Variants in MIA3 observed in about 807,000 individuals in gnomAD.
MIA3 encodes MIA SH3 domain ER export factor 3.
Under a neutral mutation model 192.4 loss-of-function variants are expected in MIA3, and 90 were observed. That is an observed-to-expected ratio of 0.47 (90% CI 0.39 to 0.56). MIA3 has a LOEUF of 0.56. MIA3 is among the 20% of genes least tolerant of loss of function. MIA3 has a pLI of 0.00. For synonymous variants in MIA3, 740 were observed against 792.8 expected, an observed-to-expected ratio of 0.93 and a Z score of 1.12; for missense variants, 2,123 against 2,269.4, an observed-to-expected ratio of 0.94 and a Z score of 1.31.
intron 1 of MIA3, 148 bp downstream of exon 1, chr1:222,618,391 G>C: frequency 1.2e-6 from 1 of 811,922 alleles, no homozygotes; most frequent in African/African-American, 1.8e-5. Flanking sequence ...CAGGCGGGAT[G>C]GGCTGAACGC....
rs886084453 is a variant in MIA3, at chr1:222,644,443, G to C, written c.3478-1111G>C. 20 of 1,550,212 alleles carry C rather than the reference G, an allele frequency of 1.3e-5. No homozygotes were observed. In the African/African-American group the frequency reaches 2.7e-4, roughly 21 times the overall value. ...CAGGGGGCCCAGTGCCATTCCGCAG[G>C]GAATTGTCGCTTGCGTTCAGCTGTT... On this transcript the variant is annotated intron_variant, in intron 6 of 27. Coordinates refer to ENST00000344922, the MANE Select transcript of MIA3 (RefSeq NM_198551.4).
In MIA3 at chr1:222,666,911, C is replaced by T. The variant is rs1664318844; in HGVS notation, c.*1292C>T. 1 of 151,570 alleles carries T rather than the reference C, an allele frequency of 6.6e-6. No homozygotes were observed. Among genetic ancestry groups the T allele is most frequent in the Admixed American group, 6.6e-5 (1 of 15,226 alleles). 9.4% of individuals were successfully genotyped at this position (151,570 alleles called of 1,614,324 possible). On this transcript the variant is annotated 3_prime_UTR_variant, in exon 28 of 28. Transcript: ENST00000344922. ...CATTTTAATTACAGTAATAATAGCA[C>T]TCCTTTTAAGGAGTTTCAGATCCAC...
rs764215187 is a variant in MIA3 at position 222,666,075 on chromosome 1, A to G, written c.*456A>G. On this transcript the variant is annotated 3_prime_UTR_variant, in exon 28 of 28. Transcript: ENST00000344922. Reference sequence around the variant, plus strand: ...TTACGCTAAAAATGTTTACTAAAAGATCACTAAACTATCTCCCCTCTTGCT... The same window carrying G: ...TTACGCTAAAAATGTTTACTAAAAGGTCACTAAACTATCTCCCCTCTTGCT... 1.3e-5 allele frequency: 2 copies of G among 152,584 alleles called. No individual in the cohort carries two copies. The highest frequency in any genetic ancestry group is 1.5e-5 in the Non-Finnish European group (1 of 68,344). 9.5% of individuals were successfully genotyped at this position (152,584 alleles called of 1,614,324 possible). A position where few individuals can be genotyped will look rare whatever the true frequency, so the allele number is the denominator to read the frequency against.
rs367936377 is a variant in MIA3, at chr1:222,629,700, G to A, written c.2480G>A (p.Arg827Gln). The part of the protein sequence containing the change: ...ADKKAQRPFE[R>Q]SDFSDSIKIQ... Reference sequence around the variant, plus strand: ...AAGAAAGCACAGAGACCATTTGAACGAAGTGACTTTTCTGACAGCATAAAA... The same window carrying A: ...AAGAAAGCACAGAGACCATTTGAACAAAGTGACTTTTCTGACAGCATAAAA... The change falls in exon 4 of 28, where the codon CGA (arginine) becomes CAA (glutamine). Residue 827 changes from arginine (R) to glutamine (Q), a missense_variant. Physicochemically the swap from Arg to Gln is conservative, Grantham distance 43. This residue lies in a region of MIA3 where 1,357 missense variants were observed against 1,396.1 expected (regional missense o/e 0.97). Transcript: ENST00000344922. 85 of 1,614,158 alleles carry A rather than the reference G, an allele frequency of 5.3e-5. No individual in the cohort carries two copies. The African/African-American group carries it at 9.7e-4, about 18-fold the overall frequency.
chr1:222,623,587 T>C (rs1661976055), intron 2 of MIA3, among the ~76,000 whole-genome samples: 1 of 152,262 alleles, frequency 6.6e-6, no homozygotes, highest in African/African-American at 2.4e-5. Context: ...CAGAGTTTAA[T>C]TGCCCTTATC....
chr1:222,654,735 A>G lies in MIA3; in HGVS notation c.4549A>G (p.Arg1517Gly). 2 of 1,614,188 alleles carry G rather than the reference A, an allele frequency of 1.2e-6. No individual in the cohort carries two copies. Among genetic ancestry groups the G allele is most frequent in the South Asian group, 2.2e-5 (2 of 91,082 alleles). Residue 1517 changes from arginine to glycine, a missense_variant, in exon 18 of 28, where the codon AGG (arginine) becomes GGG (glycine). Physicochemically the swap from Arg to Gly is moderately radical, Grantham distance 125 (BLOSUM62 -2). Transcript: ENST00000344922. ...AGLEDECKTL[R>G]QKVEILNELY... ...ACTGGAAGATGAATGCAAAACCTTG[A>G]GGCAGAAAGTGGAGATTCTGAATGA...
intron 1 of MIA3, among the ~76,000 whole-genome samples, chr1:222,619,459 A>C (rs1661761956): frequency 6.6e-6 from 1 of 152,232 alleles, no homozygotes; most frequent in African/African-American, 2.4e-5. Context: ...GTATCTCTAC[A>C]ACACTAATCA....
intron 26 of MIA3, chr1:222,662,568 T>G: frequency 9.0e-7 from 1 of 1,107,574 alleles, no homozygotes; most frequent in Non-Finnish European, 1.2e-6. Flanking sequence ...GGGCTATAAG[T>G]TGCATGGCAA....
rs1374537066 is a variant in MIA3 at position 222,628,377 on chromosome 1, C to T, written c.1157C>T (p.Thr386Ile). 5 of 1,614,032 alleles carry T rather than the reference C, an allele frequency of 3.1e-6. No homozygotes were observed. The highest frequency in any genetic ancestry group is 4.5e-5 in the East Asian group (2 of 44,876). ...DKNILTTWGD[T>I]IFSIVTGGEE... is the part of the protein sequence containing the mutation. ...AATATACTAACAACCTGGGGGGACA[C>T]TATCTTCTCTATTGTCACAGGAGGT... The change falls in exon 4 of 28, where the codon ACT becomes ATT. Residue 386 changes from threonine to isoleucine, a missense_variant. Physicochemically the swap from Thr to Ile is moderately conservative, Grantham distance 89 (BLOSUM62 -1). Around this residue, in one of 3 missense-constraint regions of MIA3, gnomAD observed 1,357 missense variants for 1,396.1 expected, o/e 0.97. Transcript: ENST00000344922.
At chr1:222,656,593 C>T (rs533316118) in intron 18 of MIA3, among the ~76,000 whole-genome samples, 55 of 152,162 alleles carry the variant, frequency 3.6e-4, no homozygotes, top group Middle Eastern at 3.4e-3. Context: ...CCACCCTACC[C>T]TCCTGCTTTT....
At chr1:222,626,609 T>C (rs1436031634) in intron 3 of MIA3, among the ~76,000 whole-genome samples, 1 of 152,204 alleles carries the variant, frequency 6.6e-6, no homozygotes, top group Non-Finnish European at 1.5e-5. Context: ...TACTTGACAG[T>C]CCTGAAAGCA....
Position 222,627,743 on chromosome 1 carries a change from A to G in MIA3, c.523A>G (p.Arg175Gly). 6.2e-7 allele frequency: 1 copy of G among 1,612,852 alleles called. No homozygotes were observed. The highest frequency in any genetic ancestry group is 8.5e-7 in the Non-Finnish European group (1 of 1,179,790). The change falls in exon 4 of 28, where the codon AGG becomes GGG. Residue 175 changes from arginine (R) to glycine (G), a missense_variant. Transcript: ENST00000344922. ...AAAAAACCCTGAATTATCTAAGGAAAGGGAACCTGAACCTGAACCAGTAGA... is the reference window on the plus strand; with the variant it reads ...AAAAAACCCTGAATTATCTAAGGAAGGGGAACCTGAACCTGAACCAGTAGA... ...MEKNPELSKE[R>G]EPEPEPVEAN... is the part of the protein sequence containing the mutation.
chr1:222,647,638 C>T (rs1159959909), intron 7 of MIA3, among the ~76,000 whole-genome samples: 1 of 152,102 alleles, frequency 6.6e-6, no homozygotes, highest in Non-Finnish European at 1.5e-5. Flanking sequence ...ACTCTTGTTT[C>T]TCCTATTTGT....
rs1283360501 is a variant in MIA3 at position 222,655,962 on chromosome 1, C to CTTTTTTTTTTTTTTTTTTTTT, written c.4607+1169_4607+1170insTTTTTTTTTTTTTTTTTTTTT. Among the ~76,000 whole-genome samples the CTTTTTTTTTTTTTTTTTTTTT allele has an allele frequency of 4.2e-5, 3 of 71,278 alleles. 1 individual carries two copies. The highest frequency in any genetic ancestry group is 5.6e-5 in the African/African-American group (1 of 17,860). The allele number at this position is 71,278 out of a possible 152,430, so 46.8% of individuals were successfully genotyped here. On this transcript the variant is annotated intron_variant, in intron 18 of 27. Transcript: ENST00000344922. ...ATCACGTATCTCCAGACTTTCTTTC[C>CTTTTTTTTTTTTTTTTTTTTT]CTTTTTTTTTTTTTTTTTTTTTTTT...
chr1:222,621,789 TC>T (rs1384029560), intron 2 of MIA3, among the ~76,000 whole-genome samples: 2 of 151,482 alleles, frequency 1.3e-5, no homozygotes, highest in East Asian at 3.9e-4. Flanking sequence ...AAATGTTGTT[TC>T]TCGTGTGCTT....
chr1:222,632,117 G>A (rs1452651339), intron 4 of MIA3, 48 bp from the exon 5 acceptor site: 26 of 1,580,186 alleles, frequency 1.6e-5, no homozygotes, highest in Non-Finnish European at 2.2e-5. Context: ...TAGCCTAACA[G>A]GTAGTGTCAT....
At chr1:222,662,207 T>C (rs1315843813) in intron 25 of MIA3, 46 bp from the exon 26 acceptor site, 1 of 1,595,778 alleles carries the variant, frequency 6.3e-7, no homozygotes, top group East Asian at 2.2e-5. Flanking sequence ...CCTCACAGAG[T>C]ACACAAGTCA....
Position 222,666,817 on chromosome 1 carries a change from A to G in MIA3, c.*1198A>G, listed in dbSNP as rs144277458. 10 of 152,296 alleles carry G rather than the reference A, an allele frequency of 6.6e-5. No homozygotes were observed. Among genetic ancestry groups the G allele is most frequent in the African/African-American group, 2.4e-4 (10 of 41,556 alleles). The allele number at this position is 152,296 out of a possible 1,614,324, so 9.4% of individuals were successfully genotyped here. On this transcript the variant is annotated 3_prime_UTR_variant, in exon 28 of 28. Transcript: ENST00000344922. ...TTGCACCATACTTAAAGTCTTATCCATTACTACACTGTCTTTAAAACAATG... is the reference window on the plus strand; with the variant it reads ...TTGCACCATACTTAAAGTCTTATCCGTTACTACACTGTCTTTAAAACAATG...
Position 222,629,217 on chromosome 1 carries a change from C to T in MIA3, c.1997C>T (p.Thr666Ile), listed in dbSNP as rs1340182826. ...PWQQERDVAA[T>I]ASKQMSEKIR... The stretch of plus-strand genomic sequence containing the variant: ...CAACAAGAAAGAGATGTGGCTGCCA[C>T]AGCCAGTAAGCAAATGAGTGAGAAG... The change falls in exon 4 of 28, where the codon ACA becomes ATA. Residue 666 changes from threonine (T) to isoleucine (I), a missense_variant. Transcript: ENST00000344922. The T allele has an allele frequency of 4.3e-6, 7 of 1,614,190 alleles. No individual in the cohort carries two copies. Among genetic ancestry groups the T allele is most frequent in the Non-Finnish European group, 5.1e-6 (6 of 1,180,038 alleles).
Sources: gnomAD v4.1 joint callset for allele counts (sites outside exome capture counted in the v4.1 genomes callset) on GRCh38, gnomAD v4.1.1 for gene constraint, gnomAD v4.1.1 regional missense constraint, MANE v1.5 for transcripts, NCBI Gene and HGNC (gene_info 2026-07-23, HGNC 2026-07-21) for gene names.